Variants in POLR2B observed in about 807,000 individuals in gnomAD.
POLR2B encodes the protein DNA-directed RNA polymerase II subunit RPB2.
A neutral mutation model predicts 144.6 loss-of-function variants in POLR2B; 57 were observed. That is an observed-to-expected ratio of 0.39 (90% CI 0.32 to 0.49). The LOEUF (loss-of-function observed/expected upper bound fraction) is 0.49, where lower values mean the gene tolerates loss of function less well. Among genes scored for constraint, POLR2B ranks in the 20% least tolerant of loss-of-function variants. POLR2B has a pLI of 0.83. For synonymous variants in POLR2B, 442 were observed against 469.8 expected, an observed-to-expected ratio of 0.94 and a Z score of 0.77; for missense variants, 595 against 1,467.4, an observed-to-expected ratio of 0.41 and a Z score of 9.71.
intron 2 of POLR2B, among the ~76,000 whole-genome samples, chr4:56,989,426 CAT>C (rs1325423155): frequency 6.6e-6 from 1 of 152,196 alleles, no homozygotes; most frequent in Non-Finnish European, 1.5e-5. Flanking sequence ...ATACCTTACA[CAT>C]GTGTGATTGT....
At chr4:57,007,129 CCGGGTGTGG>C in intron 10 of POLR2B, 127 bp downstream of exon 10, 1 of 696,086 alleles carries the variant, frequency 1.4e-6, no homozygotes, top group Non-Finnish European at 2.3e-6. Context: ...CTACTGGGTG[CCGGGTGTGG>C]TGGCTCACAC....
intron 1 of POLR2B, among the ~76,000 whole-genome samples, chr4:56,983,870 C>CTT (rs371798004): frequency 1.0e-4 from 14 of 140,052 alleles, no homozygotes; most frequent in South Asian, 2.3e-4. Context: ...ATTCATATCA[C>CTT]TTTTTTTTTT....
At chr4:57,002,291 A>T (rs1188250081) in intron 7 of POLR2B, among the ~76,000 whole-genome samples, 1 of 152,160 alleles carries the variant, frequency 6.6e-6, no homozygotes, top group African/African-American at 2.4e-5. Context: ...GGGCTCCTGA[A>T]GTGCTGGGAT....
At chr4:56,996,536 G>A (rs752061949) in intron 6 of POLR2B, among the ~76,000 whole-genome samples, 21 of 151,312 alleles carry the variant, frequency 1.4e-4, no homozygotes, top group Non-Finnish European at 2.7e-4. Flanking sequence ...CGCCCGCCTC[G>A]GCCTCCAAAA....
At position 57,010,721 on chromosome 4, in the gene POLR2B, A is replaced by G. The variant is rs1179726380; in HGVS notation, c.1549-27A>G. 1.9e-6 allele frequency: 3 copies of G among 1,551,354 alleles called. No individual in the cohort carries two copies. The South Asian group carries it at 3.7e-5, about 19-fold the overall frequency. On this transcript the variant is annotated intron_variant, in intron 11 of 24. Coordinates refer to ENST00000314595, the MANE Select transcript of POLR2B (RefSeq NM_000938.3). ...AGTTTGATAGGCATGTAAAATCAGAATGACTAATACTTGGTTTATTTTTTA... is the reference window on the plus strand; with the variant it reads ...AGTTTGATAGGCATGTAAAATCAGAGTGACTAATACTTGGTTTATTTTTTA...
chr4:56,997,274 T>C (rs865975293), intron 6 of POLR2B, among the ~76,000 whole-genome samples: 17 of 151,818 alleles, frequency 1.1e-4, no homozygotes, highest in Admixed American at 2.6e-4. Flanking sequence ...TTTTTTTTTT[T>C]CTGAGACAGG....
chr4:56,979,132 C>A, intron 1 of POLR2B, 128 bp downstream of exon 1: 1 of 980,310 alleles, frequency 1.0e-6, no homozygotes, highest in Non-Finnish European at 1.6e-6. Flanking sequence ...TGTTCCCACA[C>A]TTACCAGGCC....
chr4:57,028,001 A>T (rs1723779520), intron 23 of POLR2B, among the ~76,000 whole-genome samples: 1 of 152,256 alleles, frequency 6.6e-6, no homozygotes, highest in South Asian at 2.1e-4. Context: ...CATCATTTTC[A>T]ACAAATACTT....
intron 10 of POLR2B, among the ~76,000 whole-genome samples, chr4:57,008,641 T>G (rs1234149017): frequency 3.9e-5 from 6 of 152,212 alleles, no homozygotes; most frequent in African/African-American, 1.4e-4. Context: ...GCATGGTAAC[T>G]GTTATAATAA....
At chr4:56,995,490 T>G in intron 6 of POLR2B, 81 bp downstream of exon 6, 1 of 1,002,232 alleles carries the variant, frequency 1.0e-6, no homozygotes, top group Non-Finnish European at 1.5e-6. Flanking sequence ...TCTTTGTCCA[T>G]AGAAGCTTTT....
chr4:57,014,087 C>T (rs1001488620), intron 13 of POLR2B, among the ~76,000 whole-genome samples: 1 of 152,196 alleles, frequency 6.6e-6, no homozygotes, highest in African/African-American at 2.4e-5. Flanking sequence ...TATTTTTGCT[C>T]ACAGTGTTCC....
intron 6 of POLR2B, among the ~76,000 whole-genome samples, chr4:56,997,322 G>C (rs912216876): frequency 6.6e-6 from 1 of 150,812 alleles, no homozygotes; most frequent in South Asian, 2.1e-4. Context: ...GTAGTGGCGC[G>C]ATCTGGGCTC....
At chr4:57,021,061 A>G (rs930702922) in intron 17 of POLR2B, 66 bp downstream of exon 17, 38 of 902,584 alleles carry the variant, frequency 4.2e-5, no homozygotes, top group Non-Finnish European at 6.5e-5. Context: ...ATGCAAAAAA[A>G]GTTCTTAAAA....
In POLR2B at chr4:56,979,396, C is replaced by G. The variant is rs1015711404; in HGVS notation, c.19+392C>G. On this transcript the variant is annotated intron_variant, in intron 1 of 24. Transcript: ENST00000314595. ...TCAATTGTTGAGTGTCAGCCTGTGT[C>G]AGGCAGTGTGGAAGGTCCTGGAAAT... Among the ~76,000 whole-genome samples, 5 of 125,550 alleles carry G rather than the reference C, an allele frequency of 4.0e-5. No individual in the cohort carries two copies. In the East Asian group the frequency reaches 9.2e-4, roughly 23 times the overall value. The allele number at this position is 125,550 out of a possible 152,430, so 82.4% of individuals were successfully genotyped here.
chr4:56,998,200 G>A (rs1722748797), intron 6 of POLR2B, among the ~76,000 whole-genome samples: 1 of 151,710 alleles, frequency 6.6e-6, no homozygotes, highest in Admixed American at 6.6e-5. Flanking sequence ...AGTGCATGTT[G>A]TAGACATTTT....
In POLR2B at chr4:56,990,928, C is replaced by T. The variant is rs377380715; in HGVS notation, c.243+30C>T. On this transcript the variant is annotated intron_variant, in intron 3 of 24. Coordinates refer to ENST00000314595, the MANE Select transcript of POLR2B (RefSeq NM_000938.3). ...GATAGTTCTAATAGTTACACAGGTACAAGAAGCGTATTGGTTTGAAATTTT... is the reference window on the plus strand; with the variant it reads ...GATAGTTCTAATAGTTACACAGGTATAAGAAGCGTATTGGTTTGAAATTTT... The T allele has an allele frequency of 4.6e-4, 722 of 1,578,012 alleles. 1 individual carries two copies. The highest frequency in any genetic ancestry group is 2.0e-3 in the Middle Eastern group (12 of 5,888).
intron 1 of POLR2B, among the ~76,000 whole-genome samples, chr4:56,984,159 C>G (rs963192602): frequency 7.2e-5 from 11 of 151,918 alleles, no homozygotes; most frequent in African/African-American, 2.4e-4. Context: ...GCCAGTGCGC[C>G]CAGCCTGAAA....
intron 21 of POLR2B, 124 bp from the exon 22 acceptor site, chr4:57,024,762 C>T: frequency 5.0e-6 from 3 of 596,832 alleles, no homozygotes; most frequent in Non-Finnish European, 8.7e-6. Context: ...TTTTAAAATA[C>T]TTAAAATAAT....
chr4:57,001,400 G>T (rs1232240923), intron 7 of POLR2B, among the ~76,000 whole-genome samples: 1 of 152,166 alleles, frequency 6.6e-6, no homozygotes, highest in African/African-American at 2.4e-5. Flanking sequence ...CTCAAGTGAG[G>T]GGCAGCCTGC....
Sources: allele counts gnomAD v4.1 joint callset (sites outside exome capture counted in the v4.1 genomes callset), GRCh38; gene constraint gnomAD v4.1.1; transcripts MANE v1.5; gene names NCBI Gene and HGNC (gene_info 2026-07-23, HGNC 2026-07-21).